Variants in CRMP1 observed in about 807,000 individuals in gnomAD.
CRMP1 encodes dihydropyrimidinase-related protein 1.
CRMP1 carries 19 observed loss-of-function variants against 68.3 expected under a neutral mutation model. The ratio of observed to expected loss-of-function variants is 0.28; its 90% CI spans 0.19 to 0.41. The LOEUF (loss-of-function observed/expected upper bound fraction) is 0.41. CRMP1 is among the 10% of genes least tolerant of loss of function. CRMP1 has a pLI of 1.00. For missense variants in CRMP1, 791 were observed against 967.4 expected, an observed-to-expected ratio of 0.82 and a Z score of 2.42; for synonymous variants, 439 against 399.6, an observed-to-expected ratio of 1.10 and a Z score of -1.18.
intron 1 of CRMP1, among the ~76,000 whole-genome samples, chr4:5,868,288 T>TAG (rs1714171421): frequency 8.9e-6 from 1 of 112,624 alleles, no homozygotes; most frequent in African/African-American, 4.3e-5. Context: ...TATATATATA[T>TAG]ATATATATAT....
intron 1 of CRMP1, among the ~76,000 whole-genome samples, chr4:5,868,304 C>CT (rs1714186861): frequency 1.4e-5 from 1 of 70,054 alleles, no homozygotes; most frequent in African/African-American, 4.9e-5. Context: ...TATATATATA[C>CT]ATAATTTTTT....
chr4:5,888,849 G>A lies in CRMP1; in HGVS notation c.381+3740C>T, dbSNP rs1208732971. On this transcript the variant is annotated intron_variant, in intron 1 of 13. Transcript: ENST00000324989. This position sits in a 1 kb window ranked among gnomAD's most constrained non-coding sequence, Gnocchi z 6.4. ...GGGGGTGTGGGGGGAGGGAGTGTGG[G>A]ACGGGGGCCAAGGATCGGCCCAAGC... is the stretch of plus-strand genomic sequence containing the variant. Among the ~76,000 whole-genome samples the A allele has an allele frequency of 6.6e-6, 1 of 151,910 alleles. No individual in the cohort carries two copies. The highest frequency in any genetic ancestry group is 6.6e-5 in the Admixed American group (1 of 15,264).
chr4:5,843,063 A>G lies in CRMP1; in HGVS notation c.1032+30T>C, dbSNP rs746176821. ...AGGTGAGTGCTCAGTGGTGAGTGTC[A>G]GAGTCATGCCCAAGTTGAGGAGTCC... On this transcript the variant is annotated intron_variant, in intron 7 of 13. Transcript: ENST00000324989. The surrounding 1 kb of genome is among the most constrained non-coding windows in gnomAD (Gnocchi z 4.1). 2.5e-5 allele frequency: 40 copies of G among 1,608,784 alleles called. No homozygotes were observed. Among genetic ancestry groups the G allele is most frequent in the Non-Finnish European group, 3.3e-5 (39 of 1,175,796 alleles).
In CRMP1 at chr4:5,870,215, G is replaced by A. The variant is rs554985735; in HGVS notation, c.382-3459C>T. On this transcript the variant is annotated intron_variant, in intron 1 of 13. Coordinates refer to ENST00000324989, the MANE Select transcript of CRMP1 (RefSeq NM_001014809.3). The surrounding 1 kb of genome is among the most constrained non-coding windows in gnomAD (Gnocchi z 6.0). ...GATGTTACTTATCTGAGTGCCCTCC[G>A]CTCGACTTCCCCTGTTTGGGACAAC... is the stretch of plus-strand genomic sequence containing the variant. Among the ~76,000 whole-genome samples the A allele has an allele frequency of 2.0e-3, 301 of 152,260 alleles. No individual in the cohort carries two copies. Among genetic ancestry groups the A allele is most frequent in the African/African-American group, 6.4e-3 (265 of 41,538 alleles).
At chr4:5,831,746 C>A (rs1372036401) in intron 11 of CRMP1, among the ~76,000 whole-genome samples, 1 of 152,196 alleles carries the variant, frequency 6.6e-6, no homozygotes, top group Admixed American at 6.5e-5. Context: ...CCACACCCTG[C>A]ATTTCACAAG....
At chr4:5,826,053 C>T (rs1185589134) in intron 12 of CRMP1, 4 of 289,328 alleles carry the variant, frequency 1.4e-5, no homozygotes, top group African/African-American at 7.0e-5. Flanking sequence ...AAGGCATACT[C>T]ACATATGTAT....
Position 5,888,304 on chromosome 4 carries a change from CG to C in CRMP1, c.381+4284del. 8.0e-7 allele frequency: 1 copy of C among 1,253,568 alleles called. No individual in the cohort carries two copies. The allele number at this position is 1,253,568 out of a possible 1,614,324, so 77.7% of individuals were successfully genotyped here. On this transcript the variant is annotated intron_variant, in intron 1 of 13. Coordinates refer to ENST00000324989, the MANE Select transcript of CRMP1 (RefSeq NM_001014809.3). This position sits in a 1 kb window ranked among gnomAD's most constrained non-coding sequence, Gnocchi z 6.4. Reference sequence around the variant, plus strand: ...CGCCCTCGGCCCGGCCGCTGACCTGCGGGGCTGTCTGACTGGAACCGGCGCT... The same window carrying C: ...CGCCCTCGGCCCGGCCGCTGACCTGCGGGCTGTCTGACTGGAACCGGCGCT...
At position 5,841,644 on chromosome 4, in the gene CRMP1, C is replaced by T. The variant is rs41269569; in HGVS notation, c.1033-216G>A. On this transcript the variant is annotated intron_variant, in intron 7 of 13. Coordinates refer to ENST00000324989, the MANE Select transcript of CRMP1 (RefSeq NM_001014809.3). The surrounding 1 kb of genome is among the most constrained non-coding windows in gnomAD (Gnocchi z 6.9). ...ACGGCAGCAACATCCAAGCGCTATA[C>T]AAGTTTATAGCACTGCCTCCCAGTT... Among the ~76,000 whole-genome samples, 1,094 of 152,322 alleles carry T rather than the reference C, an allele frequency of 7.2e-3. 12 individuals are homozygous for T. The highest frequency in any genetic ancestry group is 0.036 in the South Asian group (174 of 4,828).
At position 5,879,375 on chromosome 4, in the gene CRMP1, G is replaced by C. The variant is rs1162974645; in HGVS notation, c.382-12619C>G. On this transcript the variant is annotated intron_variant, in intron 1 of 13. Transcript: ENST00000324989. This position sits in a 1 kb window ranked among gnomAD's most constrained non-coding sequence, Gnocchi z 4.2. ...ACTCCTTGGAGTTCCCACAACATGA[G>C]GCTTGCATCTCTGGTCCAGCATTTG... Among the ~76,000 whole-genome samples, 1 of 152,170 alleles carries C rather than the reference G, an allele frequency of 6.6e-6. No individual in the cohort carries two copies. The highest frequency in any genetic ancestry group is 1.5e-5 in the Non-Finnish European group (1 of 68,030).
intron 12 of CRMP1, 65 bp downstream of exon 12, chr4:5,828,423 AT>A: frequency 6.4e-7 from 1 of 1,569,622 alleles, no homozygotes; most frequent in Middle Eastern, 2.1e-4. Context: ...TCAGATCTCG[AT>A]TCCCCAAGAG....
Position 5,821,858 on chromosome 4 carries a change from G to C in CRMP1, c.1970-7C>G, listed in dbSNP as rs376553183. On this transcript the variant is annotated splice_region_variant and splice_polypyrimidine_tract_variant and intron_variant, in intron 13 of 13. Transcript: ENST00000324989. The surrounding 1 kb of genome is among the most constrained non-coding windows in gnomAD (Gnocchi z 4.4). ...TTGTCATCTATCTGGGCACCTGAAAGAGAGCGCCAATCGCTGCTGGATGGG... is the reference window on the plus strand; with the variant it reads ...TTGTCATCTATCTGGGCACCTGAAACAGAGCGCCAATCGCTGCTGGATGGG... The C allele has an allele frequency of 1.9e-6, 3 of 1,562,588 alleles. No individual in the cohort carries two copies. The highest frequency in any genetic ancestry group is 3.2e-5 in the African/African-American group (2 of 61,782).
intron 11 of CRMP1, among the ~76,000 whole-genome samples, chr4:5,829,167 C>A: frequency 6.6e-6 from 1 of 152,214 alleles, no homozygotes; most frequent in East Asian, 1.9e-4. Flanking sequence ...CCCCCTCCAG[C>A]ATTGGGTAAT....
intron 1 of CRMP1, among the ~76,000 whole-genome samples, chr4:5,876,129 G>C (rs1714810249): frequency 6.6e-6 from 1 of 151,604 alleles, no homozygotes; most frequent in South Asian, 2.1e-4. Context: ...CTCTAGCCTG[G>C]GTGACAGAGT....
Position 5,889,590 on chromosome 4 carries a change from G to A in CRMP1, c.381+2999C>T. On this transcript the variant is annotated intron_variant, in intron 1 of 13. Coordinates refer to ENST00000324989, the MANE Select transcript of CRMP1 (RefSeq NM_001014809.3). The surrounding 1 kb of genome is among the most constrained non-coding windows in gnomAD (Gnocchi z 4.5). ...AGCAAGCCCCAACCTCACTGGACAG[G>A]TGCCCCAAGTTCCCAGGCAGAATAA... The A allele has an allele frequency of 2.6e-6, 4 of 1,536,118 alleles. No individual in the cohort carries two copies. Among genetic ancestry groups the A allele is most frequent in the Non-Finnish European group, 2.6e-6 (3 of 1,146,904 alleles).
Position 5,879,724 on chromosome 4 carries a change from C to T in CRMP1, c.381+12865G>A, listed in dbSNP as rs1312692177. Among the ~76,000 whole-genome samples, 1 of 152,146 alleles carries T rather than the reference C, an allele frequency of 6.6e-6. No individual in the cohort carries two copies. Among genetic ancestry groups the T allele is most frequent in the Non-Finnish European group, 1.5e-5 (1 of 68,034 alleles). On this transcript the variant is annotated intron_variant, in intron 1 of 13. Coordinates refer to ENST00000324989, the MANE Select transcript of CRMP1 (RefSeq NM_001014809.3). The surrounding 1 kb of genome is among the most constrained non-coding windows in gnomAD (Gnocchi z 4.2). ...CATTTGAGGATGCAGGAAAAAGCTT[C>T]AATTGCTTTTATCAGCTTCTCAGAG... is the stretch of plus-strand genomic sequence containing the variant.
chr4:5,821,891 A>G lies in CRMP1; in HGVS notation c.1970-40T>C, dbSNP rs779139937. ...CAATCGCTGCTGGATGGGATCTGTTAGCATCAGTTCCACGCTGCTCCTGGA... is the reference window on the plus strand; with the variant it reads ...CAATCGCTGCTGGATGGGATCTGTTGGCATCAGTTCCACGCTGCTCCTGGA... On this transcript the variant is annotated intron_variant, in intron 13 of 13. Transcript: ENST00000324989. This position sits in a 1 kb window ranked among gnomAD's most constrained non-coding sequence, Gnocchi z 4.4. 3.4e-6 allele frequency: 5 copies of G among 1,470,716 alleles called. No individual in the cohort carries two copies. The highest frequency in any genetic ancestry group is 4.5e-6 in the Non-Finnish European group (5 of 1,099,312). 91.1% of individuals were successfully genotyped at this position (1,470,716 alleles called of 1,614,324 possible).
At chr4:5,884,427 C>T (rs1380634375) in intron 1 of CRMP1, among the ~76,000 whole-genome samples, 2 of 151,878 alleles carry the variant, frequency 1.3e-5, no homozygotes, top group African/African-American at 2.4e-5. Flanking sequence ...TTACACACCA[C>T]AGACATACAC....
At chr4:5,832,866 G>A (rs1252474415) in intron 11 of CRMP1, among the ~76,000 whole-genome samples, 1 of 152,182 alleles carries the variant, frequency 6.6e-6, no homozygotes, top group Non-Finnish European at 1.5e-5. Flanking sequence ...CTCAGAATGT[G>A]ACCTTATTTG....
At chr4:5,856,355 A>G in intron 3 of CRMP1, 48 bp from the exon 4 acceptor site, 1 of 1,572,064 alleles carries the variant, frequency 6.4e-7, no homozygotes, top group East Asian at 2.2e-5. Flanking sequence ...CAAGTGTTCC[A>G]ATGGTAGCCA....
Sources: gnomAD v4.1 joint callset for allele counts (sites outside exome capture counted in the v4.1 genomes callset) on GRCh38, gnomAD v4.1.1 for gene constraint, Gnocchi (gnomAD v3.1) non-coding constraint, MANE v1.5 for transcripts, NCBI Gene and HGNC (gene_info 2026-07-23, HGNC 2026-07-21) for gene names.